UNC79: variants seen among roughly 807,000 people sequenced by gnomAD.
UNC79 encodes the protein unc-79 subunit of NALCN channel complex.
A neutral mutation model predicts 283.1 loss-of-function variants in UNC79; 37 were observed. That is an observed-to-expected ratio of 0.13 (90% CI 0.10 to 0.17). UNC79 has a LOEUF of 0.17. UNC79 is among the 10% of genes least tolerant of loss of function. The probability of loss-of-function intolerance (pLI) is 1.00; values close to 1 mark genes in which losing one functional copy is unlikely to be tolerated. For synonymous variants in UNC79, 1,107 were observed against 1,200.2 expected (o/e 0.92, Z 1.61); for missense variants, 2,272 against 3,211.1 (o/e 0.71, Z 7.07).
intron 1 of UNC79, among the ~76,000 whole-genome samples, chr14:93,465,009 T>A (rs2057111710): frequency 6.6e-6 from 1 of 152,244 alleles, no homozygotes; most frequent in Non-Finnish European, 1.5e-5. Context: ...TTTGTTGCAT[T>A]CACCAATGCA....
At chr14:93,402,574 A>G (rs956643021) in intron 1 of UNC79, among the ~76,000 whole-genome samples, 1 of 152,180 alleles carries the variant, frequency 6.6e-6, no homozygotes, top group Admixed American at 6.5e-5. Flanking sequence ...ACGGGATTGG[A>G]CACAAAGACA....
At chr14:93,345,448 A>G (rs1170520487) in intron 1 of UNC79, among the ~76,000 whole-genome samples, 1 of 151,376 alleles carries the variant, frequency 6.6e-6, no homozygotes, top group East Asian at 1.9e-4. Context: ...AACACAGTTC[A>G]TGGAATAGAG....
chr14:93,445,362 G>A (rs1204734911), intron 1 of UNC79, among the ~76,000 whole-genome samples: 1 of 152,182 alleles, frequency 6.6e-6, no homozygotes, highest in Non-Finnish European at 1.5e-5. Flanking sequence ...AGTGATGTGA[G>A]TGAGTGTTCT....
intron 7 of UNC79, among the ~76,000 whole-genome samples, chr14:93,501,682 G>A (rs971272765): frequency 1.4e-4 from 8 of 58,098 alleles, no homozygotes; most frequent in African/African-American, 2.7e-4. Context: ...GCAAGACTCC[G>A]TCTCAAAAAA....
chr14:93,419,125 G>A lies in UNC79; in HGVS notation c.-350-48546G>A, dbSNP rs547347207. ...ACCCGTCTTCTGTGTCACGCTGGGA[G>A]CTGTAGACCGGAGCTGTTCCTATTT... On this transcript the variant is annotated intron_variant, in intron 1 of 49. Transcript: ENST00000256339. Among the ~76,000 whole-genome samples the A allele has an allele frequency of 6.6e-5, 10 of 151,316 alleles. 1 individual carries two copies. The South Asian group carries it at 1.9e-3, about 30-fold the overall frequency.
chr14:93,380,963 GTATT>G lies in UNC79; in HGVS notation c.-351+47445_-351+47448del, dbSNP rs555452818. 2.0e-3 allele frequency among the ~76,000 whole-genome samples: 303 copies of G among 152,300 alleles called. 2 individuals carry two copies. The highest frequency in any genetic ancestry group is 6.8e-3 in the African/African-American group (284 of 41,560). On this transcript the variant is annotated intron_variant, in intron 1 of 49. Transcript: ENST00000256339. The stretch of plus-strand genomic sequence containing the variant: ...TTAGTATTTGTCAGTCATTTAGTAA[GTATT>G]TATTGAGTGCTTTAGATAGTCAGTG...
chr14:93,562,693 G>C (rs750066121), intron 14 of UNC79, among the ~76,000 whole-genome samples: 1 of 152,068 alleles, frequency 6.6e-6, no homozygotes, highest in East Asian at 1.9e-4. Context: ...GTCCATTATC[G>C]GACTCTATAG....
chr14:93,430,913 A>C lies in UNC79; in HGVS notation c.-117A>C. On this transcript the variant is annotated 5_prime_UTR_variant, in exon 1 of 49. Transcript: ENST00000555664. The surrounding 1 kb of genome is among the most constrained non-coding windows in gnomAD (Gnocchi z 4.6). ...GCGACACGGGCCTAAGGGAGGGGGA[A>C]AGCGAGGGGGTGGGGGGTGGGGGGT... is the stretch of plus-strand genomic sequence containing the variant. 2 of 342,202 alleles carry C rather than the reference A, an allele frequency of 5.8e-6. No homozygotes were observed. Among genetic ancestry groups the C allele is most frequent in the Non-Finnish European group, 1.1e-5 (2 of 180,404 alleles). 21.2% of individuals were successfully genotyped at this position (342,202 alleles called of 1,614,324 possible).
At chr14:93,374,352 A>G (rs530265740) in intron 1 of UNC79, among the ~76,000 whole-genome samples, 12 of 152,322 alleles carry the variant, frequency 7.9e-5, no homozygotes, top group African/African-American at 2.4e-4. Flanking sequence ...ACCTTGCCCC[A>G]GTGTGTTCAG....
At chr14:93,607,924 A>G (rs1382485870) in intron 26 of UNC79, among the ~76,000 whole-genome samples, 2 of 152,326 alleles carry the variant, frequency 1.3e-5, no homozygotes, top group East Asian at 1.9e-4. Context: ...CAAAATGCCT[A>G]TTGACCATTA....
intron 17 of UNC79, among the ~76,000 whole-genome samples, chr14:93,576,484 A>C (rs183027979): frequency 2.6e-5 from 4 of 152,302 alleles, no homozygotes; most frequent in Admixed American, 2.6e-4. Context: ...TGAAGTACAG[A>C]TGTGTTAGTC....
rs543507338 is a variant in UNC79 at position 93,445,265 on chromosome 14, T to C, written c.22+14214T>C. ...CGCCATTTGTGAATAAAGATAATTT[T>C]ACATCTGCCTTTCCAATCTGTATGC... On this transcript the variant is annotated intron_variant, in intron 1 of 48. Transcript: ENST00000555664. 4.6e-5 allele frequency among the ~76,000 whole-genome samples: 7 copies of C among 152,340 alleles called. No homozygotes were observed. In the South Asian group the frequency reaches 1.5e-3, roughly 32 times the overall value.
intron 14 of UNC79, among the ~76,000 whole-genome samples, chr14:93,550,165 A>G (rs149461832): frequency 6.6e-6 from 1 of 152,352 alleles, no homozygotes. Context: ...AGGTTGGTTT[A>G]TAAATTGCAA....
intron 14 of UNC79, among the ~76,000 whole-genome samples, chr14:93,548,857 A>G (rs2061734132): frequency 6.6e-6 from 1 of 152,208 alleles, no homozygotes; most frequent in Non-Finnish European, 1.5e-5. Flanking sequence ...ATTGATTATA[A>G]TTTTCAACTC....
intron 14 of UNC79, among the ~76,000 whole-genome samples, chr14:93,564,168 G>A (rs1432149824): frequency 6.6e-6 from 1 of 152,204 alleles, no homozygotes; most frequent in Non-Finnish European, 1.5e-5. Context: ...GAGTCAGGGA[G>A]AGCTAGGGTG....
intron 40 of UNC79, among the ~76,000 whole-genome samples, chr14:93,668,543 T>A (rs1008892076): frequency 6.8e-6 from 1 of 148,104 alleles, no homozygotes; most frequent in African/African-American, 2.6e-5. Context: ...AGACTCCATC[T>A]CTATACAAAA....
intron 4 of UNC79, among the ~76,000 whole-genome samples, chr14:93,478,369 T>C (rs1422832147): frequency 6.6e-6 from 1 of 152,218 alleles, no homozygotes; most frequent in East Asian, 1.9e-4. Context: ...TTACAGGCTT[T>C]CCAGACATGC....
intron 29 of UNC79, among the ~76,000 whole-genome samples, chr14:93,620,174 G>GT (rs1185412698): frequency 2.0e-5 from 3 of 152,224 alleles, no homozygotes; most frequent in Non-Finnish European, 4.4e-5. Flanking sequence ...CATGAGATCC[G>GT]TAATAGTTAC....
chr14:93,571,705 T>C (rs898460504), intron 14 of UNC79, among the ~76,000 whole-genome samples, 189 bp from the exon 15 acceptor site: 1 of 152,232 alleles, frequency 6.6e-6, no homozygotes, highest in Non-Finnish European at 1.5e-5. Flanking sequence ...ATGTTTTCCT[T>C]TCTGTAACTG....
Sources: gnomAD v4.1 joint callset for allele counts (sites outside exome capture counted in the v4.1 genomes callset) on GRCh38, gnomAD v4.1.1 for gene constraint, Gnocchi (gnomAD v3.1) non-coding constraint, MANE v1.5 for transcripts, NCBI Gene and HGNC (gene_info 2026-07-23, HGNC 2026-07-21) for gene names.